The following HPS3 variants were observed in gnomAD, a reference collection of about 807,000 sequenced individuals.
HPS3 encodes the protein BLOC-2 complex member HPS3.
Under a neutral mutation model 110.9 loss-of-function variants are expected in HPS3, and 79 were observed. The ratio of observed to expected loss-of-function variants is 0.71; its 90% CI spans 0.59 to 0.86. HPS3 has a LOEUF of 0.86. Among genes scored for constraint, HPS3 ranks in the 40% least tolerant of loss-of-function variants. The pLI, the probability that HPS3 is intolerant of heterozygous loss-of-function variation, is 0.00. For synonymous variants in HPS3, 428 were observed against 451.0 expected (o/e 0.95, Z 0.65); for missense variants, 1,197 against 1,206.2 (o/e 0.99, Z 0.11).
intron 8 of HPS3, among the ~76,000 whole-genome samples, chr3:149,156,146 T>G (rs1161594274): frequency 6.6e-6 from 1 of 152,246 alleles, no homozygotes; most frequent in East Asian, 1.9e-4. Flanking sequence ...TTATGCACTC[T>G]GTGCTTTCTG....
At chr3:149,152,293 G>A (rs1158383469) in intron 6 of HPS3, among the ~76,000 whole-genome samples, 5 of 152,140 alleles carry the variant, frequency 3.3e-5, no homozygotes, top group Admixed American at 2.6e-4. Flanking sequence ...GCTTATATAG[G>A]GGTGATGGTG....
chr3:149,156,277 A>G (rs1165506854), intron 8 of HPS3, among the ~76,000 whole-genome samples: 1 of 152,208 alleles, frequency 6.6e-6, no homozygotes, highest in Non-Finnish European at 1.5e-5. Context: ...ACTCTCTTGC[A>G]TACCAGAATA....
At chr3:149,130,337 A>G (rs1721683797) in intron 1 of HPS3, 2 of 206,828 alleles carry the variant, frequency 9.7e-6, no homozygotes, top group South Asian at 1.9e-4. Flanking sequence ...CGGAACCTCC[A>G]AGTACTCCCA....
chr3:149,167,290 C>T lies in HPS3; in HGVS notation c.2796+50C>T, dbSNP rs2681092. The T allele has an allele frequency of 0.43, 619,337 of 1,428,630 alleles. 137,493 individuals carry two copies. Among genetic ancestry groups the T allele is most frequent in the African/African-American group, 0.6 (42,603 of 70,764 alleles). 88.5% of individuals were successfully genotyped at this position (1,428,630 alleles called of 1,614,324 possible). A position where few individuals can be genotyped will look rare whatever the true frequency, so the allele number is the denominator to read the frequency against. ...TAGGCTTGATCAGTGATAATCAGAT[C>T]TGATAACCTCATTTCCTTTCCTGCA... On this transcript the variant is annotated intron_variant, in intron 15 of 16. Transcript: ENST00000296051.
At chr3:149,147,623 C>T (rs1054331592) in intron 5 of HPS3, among the ~76,000 whole-genome samples, 2 of 152,132 alleles carry the variant, frequency 1.3e-5, no homozygotes, top group Non-Finnish European at 2.9e-5. Context: ...CCCACTAAAT[C>T]TGTTGCCCCA....
intron 16 of HPS3, among the ~76,000 whole-genome samples, chr3:149,170,089 A>G (rs1397385564): frequency 6.6e-6 from 1 of 152,232 alleles, no homozygotes; most frequent in Non-Finnish European, 1.5e-5. Context: ...GATTAAATAA[A>G]TAAAAACCTC....
Position 149,141,079 on chromosome 3 carries a change from G to A in HPS3, c.775G>A (p.Glu259Lys), listed in dbSNP as rs756796449. ...TTTTGTCATCTGCCAGAAGCCCCTG[G>A]AACTTCTTGGTGAAAAAAGTGAACA... Reference protein sequence around the residue: ...DDFVICQKPLELLGEKSEQSG... With the variant: ...DDFVICQKPLKLLGEKSEQSG... Residue 259 changes from glutamate to lysine, a missense_variant, in exon 3 of 17, where the codon GAA becomes AAA. Physicochemically the swap from Glu to Lys is moderately conservative, Grantham distance 56. Coordinates refer to ENST00000296051, the MANE Select transcript of HPS3 (RefSeq NM_032383.5). The A allele has an allele frequency of 6.2e-7, 1 of 1,613,828 alleles. No homozygotes were observed. The highest frequency in any genetic ancestry group is 8.5e-7 in the Non-Finnish European group (1 of 1,179,924).
At chr3:149,162,938 C>CAGG in intron 13 of HPS3, 60 bp downstream of exon 13, 1 of 1,317,970 alleles carries the variant, frequency 7.6e-7, no homozygotes, top group South Asian at 1.2e-5. Context: ...CAAAAACATA[C>CAGG]CTTATTTTTA....
At chr3:149,141,501 T>C (rs1385462552) in intron 4 of HPS3, 121 bp downstream of exon 4, 2 of 759,608 alleles carry the variant, frequency 2.6e-6, no homozygotes, top group Non-Finnish European at 4.5e-6. Context: ...TGGAGTCTCC[T>C]TGTGGCCCTT....
At chr3:149,147,536 A>T (rs1426745562) in intron 5 of HPS3, among the ~76,000 whole-genome samples, 1 of 152,220 alleles carries the variant, frequency 6.6e-6, no homozygotes, top group Non-Finnish European at 1.5e-5. Flanking sequence ...GTCCCATCAT[A>T]TAGATGTAAA....
intron 5 of HPS3, among the ~76,000 whole-genome samples, chr3:149,147,227 G>C (rs1015920447): frequency 6.6e-5 from 10 of 152,160 alleles, no homozygotes; most frequent in African/African-American, 1.9e-4. Flanking sequence ...ATTTGAGTTT[G>C]AGATGCTTAT....
intron 4 of HPS3, among the ~76,000 whole-genome samples, chr3:149,141,928 G>A (rs1722501835): frequency 6.6e-6 from 1 of 151,266 alleles, no homozygotes; most frequent in African/African-American, 2.4e-5. Context: ...TTGGCTCACT[G>A]CAACCTCCAC....
chr3:149,130,878 A>G (rs1015825879), intron 1 of HPS3, among the ~76,000 whole-genome samples: 4 of 152,218 alleles, frequency 2.6e-5, no homozygotes, highest in Non-Finnish European at 4.4e-5. Context: ...AAAATCCAAC[A>G]TTTAAAACTA....
chr3:149,130,181 G>C, intron 1 of HPS3: 1 of 575,374 alleles, frequency 1.7e-6, no homozygotes, highest in South Asian at 2.2e-5. Context: ...ACATCTCTTC[G>C]TCTTGGTTTT....
chr3:149,151,587 TAAAAAAAAAAAAAAAA>T (rs1167453087), intron 6 of HPS3, among the ~76,000 whole-genome samples: 3 of 40,300 alleles, frequency 7.4e-5, no homozygotes, highest in Non-Finnish European at 1.5e-4. Context: ...GCTTGGTTTC[TAAAAAAAAAAAAAAAA>T]AAAAAAAAAA....
intron 15 of HPS3, 78 bp from the exon 16 acceptor site, chr3:149,167,815 C>A: frequency 2.2e-6 from 2 of 899,212 alleles, no homozygotes; most frequent in Non-Finnish European, 3.8e-6. Context: ...TGCTTTCCTG[C>A]ACAATCTTCT....
At chr3:149,153,734 C>G in intron 7 of HPS3, 86 bp downstream of exon 7, 1 of 1,383,310 alleles carries the variant, frequency 7.2e-7, no homozygotes, top group Non-Finnish European at 1.0e-6. Flanking sequence ...TTTTTCAAAT[C>G]ATAACTTGGA....
chr3:149,157,173 G>GA (rs1723506576), intron 8 of HPS3, among the ~76,000 whole-genome samples, 177 bp from the exon 9 acceptor site: 1 of 152,098 alleles, frequency 6.6e-6, no homozygotes, highest in Admixed American at 6.5e-5. Flanking sequence ...TAGATGGTGG[G>GA]AAAAAAGCCC....
intron 1 of HPS3, among the ~76,000 whole-genome samples, chr3:149,133,672 G>A (rs1721902836): frequency 6.6e-6 from 1 of 152,184 alleles, no homozygotes; most frequent in South Asian, 2.1e-4. Context: ...TCAGTCAGCA[G>A]CCATCAGCAT....
Sources: allele counts gnomAD v4.1 joint callset (sites outside exome capture counted in the v4.1 genomes callset), GRCh38; gene constraint gnomAD v4.1.1; transcripts MANE v1.5; gene names NCBI Gene and HGNC (gene_info 2026-07-23, HGNC 2026-07-21).